LSP1: variants seen among roughly 807,000 people sequenced by gnomAD.
The protein encoded by LSP1 is lymphocyte specific protein 1.
In LSP1, 32 loss-of-function variants were observed where a neutral mutation model predicts 49.3. The observed-to-expected ratio is 0.65, with a 90% CI of 0.49 to 0.87. The LOEUF is 0.87. Ranked by LOEUF, LSP1 falls within the 40% of genes least tolerant of loss-of-function variation. The pLI, the probability that LSP1 is intolerant of heterozygous loss-of-function variation, is 0.00. For missense variants in LSP1, 428 were observed against 442.6 expected, an observed-to-expected ratio of 0.97 and a Z score of 0.30; for synonymous variants, 179 against 178.8, an observed-to-expected ratio of 1.00 and a Z score of -0.01.
intron 1 of LSP1, among the ~76,000 whole-genome samples, chr11:1,876,055 G>A (rs1436963553): frequency 6.6e-6 from 1 of 152,248 alleles, no homozygotes. Flanking sequence ...GCTGCCAGCT[G>A]CCACCGCCTT....
chr11:1,876,967 C>T (rs956425456), intron 1 of LSP1, among the ~76,000 whole-genome samples: 6 of 152,178 alleles, frequency 3.9e-5, no homozygotes, highest in Non-Finnish European at 5.9e-5. Flanking sequence ...CCGCCTGGCC[C>T]CTTGGGCTGA....
rs201258993 is a variant in LSP1, at chr11:1,883,916, G to GTTT, written c.499-7_499-5dup. ...AAGCAGGGGGTCACTTGGGATGTCT[G>GTTT]TTTTTTTTTTTCTAGCACCAGAAAT... On this transcript the variant is annotated splice_polypyrimidine_tract_variant and intron_variant, in intron 4 of 10. Coordinates refer to ENST00000311604, the MANE Select transcript of LSP1 (RefSeq NM_002339.3). 2.3e-6 allele frequency: 3 copies of GTTT among 1,324,648 alleles called. No individual in the cohort carries two copies. Among genetic ancestry groups the GTTT allele is most frequent in the East Asian group, 2.5e-5 (1 of 40,236 alleles). The allele number at this position is 1,324,648 out of a possible 1,614,324, so 82.1% of individuals were successfully genotyped here.
chr11:1,866,143 T>A (rs563575349), intron 1 of LSP1, among the ~76,000 whole-genome samples: 1 of 152,268 alleles, frequency 6.6e-6, no homozygotes, highest in Non-Finnish European at 1.5e-5. Flanking sequence ...TTTCTCCTCC[T>A]CAACCCTTCC....
At chr11:1,866,969 T>G in intron 1 of LSP1, 4 of 1,421,698 alleles carry the variant, frequency 2.8e-6, no homozygotes, top group Non-Finnish European at 3.7e-6. Flanking sequence ...TCGGGGCCAG[T>G]CCCTGTGGAC....
At chr11:1,881,885 A>C (rs1408575225) in intron 3 of LSP1, among the ~76,000 whole-genome samples, 6 of 152,108 alleles carry the variant, frequency 3.9e-5, no homozygotes, top group Non-Finnish European at 1.5e-5. Flanking sequence ...GCCGCGAGGA[A>C]ACCTCATTCT....
In LSP1 at chr11:1,876,547, CG is replaced by C. The variant is rs1452574764; in HGVS notation, c.54-3537del. The C allele has an allele frequency of 1.4e-5, 14 of 985,464 alleles. No homozygotes were observed. In the African/African-American group the frequency reaches 2.4e-4, roughly 17 times the overall value. 61.0% of individuals were successfully genotyped at this position (985,464 alleles called of 1,614,324 possible). On this transcript the variant is annotated intron_variant, in intron 1 of 10. Transcript: ENST00000311604. ...AGCCGCCCTCTGGGCTCAGGACAGC[CG>C]GGTGGGGCAGCCACAGGAGCTGCCT...
intron 1 of LSP1, chr11:1,871,539 G>T (rs935753605): frequency 3.2e-6 from 3 of 927,232 alleles, no homozygotes; most frequent in Non-Finnish European, 3.9e-6. Context: ...GGGTAGAGGG[G>T]TTGGGGGAAA....
chr11:1,876,711 A>G, intron 1 of LSP1: 1 of 873,522 alleles, frequency 1.1e-6, no homozygotes, highest in Non-Finnish European at 1.4e-6. Context: ...ACTGGGAGGT[A>G]GAAGTGGGGG....
chr11:1,865,133 C>G, intron 1 of LSP1: 1 of 928,022 alleles, frequency 1.1e-6, no homozygotes, highest in Non-Finnish European at 1.3e-6. Flanking sequence ...AGGACAGGAG[C>G]CTTTGAGATG....
rs775690374 is a variant in LSP1, at chr11:1,881,527, G to A, written c.287G>A (p.Gly96Glu). ...QRPEQRQQHE[G>E]AQGALDSGEP... ...CCAGAGCAGCGGCAGCAGCACGAGG[G>A]GGCGCAGGGCGCCTTGGACAGCGGA... Residue 96 changes from glycine to glutamate, a missense_variant, in exon 3 of 11, where the codon GGG becomes GAG. By Grantham distance (98) the Gly-to-Glu change is moderately conservative. Coordinates refer to ENST00000311604, the MANE Select transcript of LSP1 (RefSeq NM_002339.3). 8 of 1,555,968 alleles carry A rather than the reference G, an allele frequency of 5.1e-6. No individual in the cohort carries two copies. The South Asian group carries it at 8.3e-5, about 16-fold the overall frequency.
intron 1 of LSP1, chr11:1,863,266 C>G (rs1269604668): frequency 1.3e-5 from 2 of 152,316 alleles, no homozygotes; most frequent in African/African-American, 4.8e-5. Context: ...CCTTGCTTCC[C>G]TCAGTGTTCC....
At chr11:1,874,017 G>A (rs1300772508) in intron 1 of LSP1, among the ~76,000 whole-genome samples, 3 of 141,064 alleles carry the variant, frequency 2.1e-5, no homozygotes, top group South Asian at 4.7e-4. Context: ...CAGGGAGGCC[G>A]GCAGAGGAGG....
rs567986256 is a variant in LSP1 at position 1,881,537 on chromosome 11, C to T, written c.297C>T (p.Gly99=). ...GGCAGCAGCACGAGGGGGCGCAGGGCGCCTTGGACAGCGGAGAGCCCCCCC... is the reference window on the plus strand; with the variant it reads ...GGCAGCAGCACGAGGGGGCGCAGGGTGCCTTGGACAGCGGAGAGCCCCCCC... ...EQRQQHEGAQ[G]ALDSGEPPQC... is the part of the protein sequence containing the mutation. Residue 99 remains glycine, a synonymous_variant, in exon 3 of 11, where the codon GGC becomes GGT. Transcript: ENST00000311604. 14 of 1,551,742 alleles carry T rather than the reference C, an allele frequency of 9.0e-6. No homozygotes were observed. Among genetic ancestry groups the T allele is most frequent in the East Asian group, 2.4e-5 (1 of 41,604 alleles).
intron 1 of LSP1, among the ~76,000 whole-genome samples, chr11:1,854,927 G>A (rs56014530): frequency 0.24 from 36,975 of 152,104 alleles, 5,509 homozygotes; most frequent in Admixed American, 0.33. Context: ...TGGATCCCCC[G>A]GGCCAGGAGC....
chr11:1,889,662 C>A (rs953271238), intron 10 of LSP1: 1 of 632,674 alleles, frequency 1.6e-6, no homozygotes, highest in East Asian at 2.8e-5. Flanking sequence ...GCTGGACACT[C>A]GCTCGGCCTC....
chr11:1,870,257 C>A, intron 1 of LSP1: 1 of 1,303,252 alleles, frequency 7.7e-7, no homozygotes, highest in Non-Finnish European at 1.0e-6. Flanking sequence ...CCCCATTTTG[C>A]AAACAGGAAA....
At chr11:1,889,330 C>T (rs1362002947) in intron 10 of LSP1, 1 of 710,870 alleles carries the variant, frequency 1.4e-6, no homozygotes, top group Non-Finnish European at 2.6e-6. Flanking sequence ...CCGCTGGGCC[C>T]TGCCAGGCGC....
chr11:1,855,660 T>C (rs564371732), intron 1 of LSP1, among the ~76,000 whole-genome samples: 3 of 152,302 alleles, frequency 2.0e-5, no homozygotes, highest in African/African-American at 7.2e-5. Context: ...CCGCTTCGGC[T>C]ACCAGCCAGG....
At chr11:1,860,290 T>C (rs60114280) in intron 1 of LSP1, among the ~76,000 whole-genome samples, 2,171 of 40,522 alleles carry the variant, frequency 0.054, 66 homozygotes, top group African/African-American at 0.15. Flanking sequence ...GGATGGATAA[T>C]TGAATGATGG....
Sources: allele counts gnomAD v4.1 joint callset (sites outside exome capture counted in the v4.1 genomes callset), GRCh38; gene constraint gnomAD v4.1.1; transcripts MANE v1.5; gene names NCBI Gene and HGNC (gene_info 2026-07-23, HGNC 2026-07-21).